The following SOX6 variants were observed in gnomAD, a reference collection of about 807,000 sequenced individuals.
The protein encoded by SOX6 is transcription factor SOX-6.
In SOX6, 11 loss-of-function variants were observed where a neutral mutation model predicts 97.8. The observed-to-expected ratio is 0.11, with a 90% CI of 0.07 to 0.19. The LOEUF (loss-of-function observed/expected upper bound fraction) is 0.19, where lower values mean the gene tolerates loss of function less well. Ranked by LOEUF, SOX6 falls within the 10% of genes least tolerant of loss-of-function variation. The pLI is 1.00. For missense variants in SOX6, 810 were observed against 1,039.5 expected (o/e 0.78, Z 3.04); for synonymous variants, 360 against 371.4 (o/e 0.97, Z 0.35).
At chr11:16,266,137 G>T (rs1854078541) in intron 3 of SOX6, among the ~76,000 whole-genome samples, 1 of 151,648 alleles carries the variant, frequency 6.6e-6, no homozygotes, top group African/African-American at 2.4e-5. Context: ...TAATTAACTT[G>T]CTTAGAACCA....
chr11:16,046,589 C>T lies in SOX6; in HGVS notation c.1548G>A (p.Gln516=), dbSNP rs1855840100. 8.1e-6 allele frequency: 13 copies of T among 1,613,782 alleles called. No individual in the cohort carries two copies. The East Asian group carries it at 2.9e-4, about 36-fold the overall frequency. The change falls in exon 12 of 16, where the codon CAG becomes CAA. Residue 516 remains glutamine (Q), a synonymous_variant. Transcript: ENST00000683767. ...TCCCGTCAACACCATGTGGCTGTTG[C>T]TGCTGTTGCTCCCGCTGGATCTGCT... ...MREQIQREQQ[Q]QQPHGVDGKL...
intron 6 of SOX6, among the ~76,000 whole-genome samples, chr11:16,157,733 T>A (rs74408627): frequency 6.6e-6 from 1 of 152,040 alleles, no homozygotes; most frequent in Non-Finnish European, 1.5e-5. Flanking sequence ...ACTTGTTCAC[T>A]TCATTCCAGC....
chr11:16,059,461 G>T (rs1466344414), intron 9 of SOX6, among the ~76,000 whole-genome samples: 3 of 151,788 alleles, frequency 2.0e-5, no homozygotes, highest in Non-Finnish European at 1.5e-5. Flanking sequence ...AAAACAGGTG[G>T]TTTGAATGTA....
intron 1 of SOX6, among the ~76,000 whole-genome samples, chr11:16,455,518 G>C (rs933833728): frequency 6.6e-6 from 1 of 152,072 alleles, no homozygotes; most frequent in Non-Finnish European, 1.5e-5. Context: ...GGCTGGGCTA[G>C]AGAAAGCTTG....
In SOX6 at chr11:16,614,427, C is replaced by A. The variant is rs190148625; in HGVS notation, n.430-2167G>T. On this transcript the variant is annotated intron_variant and non_coding_transcript_variant, in intron 3 of 5. Coordinates refer to the SOX6 transcript ENST00000524520. ...GCAGCCCGGCCGCCTGCTGCGAGAG[C>A]TGAACATTTCCCAGCTCTATAGTCG... Among the ~76,000 whole-genome samples the A allele has an allele frequency of 9.2e-5, 14 of 152,302 alleles. No individual in the cohort carries two copies. In the East Asian group the frequency reaches 2.5e-3, roughly 27 times the overall value.
chr11:15,986,857 C>T (rs1276670742), intron 14 of SOX6, among the ~76,000 whole-genome samples: 1 of 152,138 alleles, frequency 6.6e-6, no homozygotes, highest in African/African-American at 2.4e-5. Context: ...TGAAACTATC[C>T]TTTGACAAGA....
chr11:16,133,643 A>C (rs1051746249), intron 6 of SOX6, among the ~76,000 whole-genome samples: 7 of 152,030 alleles, frequency 4.6e-5, no homozygotes, highest in African/African-American at 1.7e-4. Flanking sequence ...ACATTACAAC[A>C]TTATCATATT....
chr11:16,309,557 A>C (rs1477160416), intron 3 of SOX6, among the ~76,000 whole-genome samples: 1 of 152,180 alleles, frequency 6.6e-6, no homozygotes, highest in African/African-American at 2.4e-5. Context: ...ATAAAAAAAC[A>C]AAGATTGGAC....
At chr11:16,693,798 A>G (rs967136141) in intron 3 of SOX6, among the ~76,000 whole-genome samples, 2 of 152,190 alleles carry the variant, frequency 1.3e-5, no homozygotes, top group African/African-American at 4.8e-5. Context: ...CCATATTCTG[A>G]TAGTACAGCA....
chr11:16,612,185 T>A (rs778692527), exon 4 of SOX6: 21 of 152,102 alleles, frequency 1.4e-4, no homozygotes, highest in Non-Finnish European at 2.6e-4. Context: ...CCAGTCTGCG[T>A]ACACCTTCAC....
intron 12 of SOX6, among the ~76,000 whole-genome samples, chr11:16,041,239 C>T (rs148868629): frequency 6.6e-5 from 10 of 152,176 alleles, no homozygotes; most frequent in Non-Finnish European, 1.3e-4. Context: ...TCTCACAAGC[C>T]CCTTTCACTT....
At chr11:16,678,781 A>G (rs961433065) in intron 3 of SOX6, among the ~76,000 whole-genome samples, 4 of 152,214 alleles carry the variant, frequency 2.6e-5, no homozygotes, top group African/African-American at 9.6e-5. Context: ...CTTAGCAACC[A>G]GCAAACCAGG....
At chr11:16,560,402 AATATATAC>A (rs756618481) in intron 4 of SOX6, among the ~76,000 whole-genome samples, 15 of 149,726 alleles carry the variant, frequency 1.0e-4, no homozygotes, top group Admixed American at 1.3e-4. Context: ...TAAATATGTA[AATATATAC>A]ATATATACGT....
chr11:16,333,349 T>G (rs972572167), intron 2 of SOX6, among the ~76,000 whole-genome samples: 2 of 152,212 alleles, frequency 1.3e-5, no homozygotes, highest in African/African-American at 4.8e-5. Context: ...TTCTTCATGT[T>G]GCTTGGAAGC....
intron 4 of SOX6, among the ~76,000 whole-genome samples, chr11:16,504,650 G>T (rs1349411415): frequency 6.6e-6 from 1 of 152,144 alleles, no homozygotes; most frequent in Non-Finnish European, 1.5e-5. Context: ...TAAAATAACA[G>T]ATATGGTTTG....
At chr11:16,252,004 C>G (rs907668068) in intron 3 of SOX6, among the ~76,000 whole-genome samples, 2 of 150,896 alleles carry the variant, frequency 1.3e-5, no homozygotes, top group African/African-American at 4.9e-5. Context: ...AAAAAAAGAA[C>G]TCTCAGCAAT....
chr11:16,665,183 A>C (rs1847797859), intron 3 of SOX6, among the ~76,000 whole-genome samples: 1 of 151,946 alleles, frequency 6.6e-6, no homozygotes, highest in African/African-American at 2.4e-5. Flanking sequence ...AAGAACGGTA[A>C]AGGGGACTTT....
At chr11:16,416,132 C>T (rs7121140) in intron 1 of SOX6, among the ~76,000 whole-genome samples, 45,702 of 152,014 alleles carry the variant, frequency 0.3, 7,027 homozygotes, top group East Asian at 0.52. Flanking sequence ...CTGCTTGTCA[C>T]ATGTACCATG....
At chr11:16,173,728 G>A (rs1423189559) in intron 6 of SOX6, among the ~76,000 whole-genome samples, 1 of 151,054 alleles carries the variant, frequency 6.6e-6, no homozygotes, top group African/African-American at 2.4e-5. Flanking sequence ...ACTAGAGCAA[G>A]AAAAGTAGTC....
Sources: allele counts gnomAD v4.1 joint callset (sites outside exome capture counted in the v4.1 genomes callset), GRCh38; gene constraint gnomAD v4.1.1; transcripts MANE v1.5; gene names NCBI Gene and HGNC (gene_info 2026-07-23, HGNC 2026-07-21).